NIPAL3: variants seen among roughly 807,000 people sequenced by gnomAD.
NIPAL3 encodes NIPA-like protein 3.
NIPAL3 carries 41 observed loss-of-function variants against 47.2 expected under a neutral mutation model. That is an observed-to-expected ratio of 0.87 (90% CI 0.68 to 1.13). The LOEUF (loss-of-function observed/expected upper bound fraction) is 1.13. NIPAL3 is among the 50% of genes most tolerant of loss of function. NIPAL3 has a pLI of 0.00. For synonymous variants in NIPAL3, 194 were observed against 209.6 expected (o/e 0.93, Z 0.64); for missense variants, 449 against 530.1 (o/e 0.85, Z 1.50).
At chr1:24,420,515 GTA>G (rs199705759) in intron 2 of NIPAL3, among the ~76,000 whole-genome samples, 1 of 150,958 alleles carries the variant, frequency 6.6e-6, no homozygotes, top group Admixed American at 6.6e-5. Flanking sequence ...CAAAAAAAAA[GTA>G]TATATATATA....
chr1:24,446,069 CGTG>C (rs1464635532), intron 5 of NIPAL3, among the ~76,000 whole-genome samples: 26 of 147,840 alleles, frequency 1.8e-4, no homozygotes, highest in East Asian at 1.0e-3. Context: ...AGATTATAGT[CGTG>C]TGTGTGTGTG....
Position 24,469,446 on chromosome 1 carries a change from T to C in NIPAL3, c.*261T>C. On this transcript the variant is annotated 3_prime_UTR_variant, in exon 12 of 12. Coordinates refer to ENST00000374399, the MANE Select transcript of NIPAL3 (RefSeq NM_020448.5). ...CTGCCTGGATTAGCCCAGGGGGATT[T>C]GGAAAGCCTTTCTACCATCCTTGAG... 2.4e-6 allele frequency: 1 copy of C among 411,438 alleles called. No individual in the cohort carries two copies. The allele number at this position is 411,438 out of a possible 1,614,324, so 25.5% of individuals were successfully genotyped here.
At chr1:24,437,940 G>A (rs1311626316) in intron 2 of NIPAL3, among the ~76,000 whole-genome samples, 2 of 152,232 alleles carry the variant, frequency 1.3e-5, no homozygotes, top group Non-Finnish European at 1.5e-5. Flanking sequence ...GTTTACTCCA[G>A]ATGCTGATGG....
rs1015203392 is a variant in NIPAL3 at position 24,458,957 on chromosome 1, A to G, written c.843A>G (p.Thr281=). Residue 281 remains threonine (T), a synonymous_variant, in exon 9 of 12, where the codon ACA becomes ACG. Coordinates refer to ENST00000374399, the MANE Select transcript of NIPAL3 (RefSeq NM_020448.5). The part of the protein sequence containing the change: ...LIASVGYILS[T]TIAITAGAIF... ...CCAGTGTGGGCTACATTCTGTCCACAACCATTGCTATCACAGCAGGTAAGG... is the reference window on the plus strand; with the variant it reads ...CCAGTGTGGGCTACATTCTGTCCACGACCATTGCTATCACAGCAGGTAAGG... 2.5e-6 allele frequency: 4 copies of G among 1,613,854 alleles called. No homozygotes were observed. The highest frequency in any genetic ancestry group is 3.4e-6 in the Non-Finnish European group (4 of 1,179,880).
upstream of NIPAL3, chr1:24,415,768 T>G (rs1025665708): frequency 1.9e-5 from 18 of 923,784 alleles, no homozygotes; most frequent in Non-Finnish European, 2.3e-5. Flanking sequence ...TCGCGACCTT[T>G]GAAAGCAAAA....
At chr1:24,453,626 G>A in intron 7 of NIPAL3, 122 bp downstream of exon 7, 4 of 774,878 alleles carry the variant, frequency 5.2e-6, no homozygotes, top group Non-Finnish European at 6.4e-6. Context: ...GGCTGAGGTT[G>A]TTCTGTCTCC....
chr1:24,447,979 G>A (rs539537560), intron 5 of NIPAL3, among the ~76,000 whole-genome samples: 3 of 152,366 alleles, frequency 2.0e-5, no homozygotes, highest in South Asian at 4.1e-4. Flanking sequence ...TGTGTTGGAC[G>A]CTGCAGGTGT....
chr1:24,437,498 A>G (rs1034300548), intron 2 of NIPAL3, among the ~76,000 whole-genome samples: 4 of 152,220 alleles, frequency 2.6e-5, no homozygotes, highest in African/African-American at 9.6e-5. Flanking sequence ...GCTTTCCACA[A>G]AGTGCTGATT....
chr1:24,453,630 T>C, intron 7 of NIPAL3, 126 bp downstream of exon 7: 2 of 751,082 alleles, frequency 2.7e-6, no homozygotes, highest in South Asian at 1.7e-5. Context: ...GAGGTTGTTC[T>C]GTCTCCATCA....
intron 5 of NIPAL3, among the ~76,000 whole-genome samples, chr1:24,448,280 G>A (rs1005863821): frequency 1.3e-5 from 2 of 152,190 alleles, no homozygotes; most frequent in African/African-American, 4.8e-5. Flanking sequence ...TTTTTTGGCT[G>A]CCTGGGGCTG....
At chr1:24,450,030 C>T (rs1645863667) in intron 6 of NIPAL3, among the ~76,000 whole-genome samples, 1 of 152,158 alleles carries the variant, frequency 6.6e-6, no homozygotes, top group Admixed American at 6.5e-5. Flanking sequence ...CTCAAGTGCC[C>T]CCCAGCAGTA....
chr1:24,461,145 A>T (rs1217244840), intron 10 of NIPAL3, among the ~76,000 whole-genome samples: 1 of 152,244 alleles, frequency 6.6e-6, no homozygotes. Context: ...AGTGTTAAAA[A>T]ATTATGCCAT....
chr1:24,469,346 G>T lies in NIPAL3; in HGVS notation c.*161G>T. The T allele has an allele frequency of 1.6e-6, 1 of 621,988 alleles. No homozygotes were observed. The highest frequency in any genetic ancestry group is 2.8e-5 in the East Asian group (1 of 36,206). 38.5% of individuals were successfully genotyped at this position (621,988 alleles called of 1,614,324 possible). ...TCTCTGGGAAAGGATGCGTTATCTTGGTCTTGGAAATTTCAAATGATGAGG... is the reference window on the plus strand; with the variant it reads ...TCTCTGGGAAAGGATGCGTTATCTTTGTCTTGGAAATTTCAAATGATGAGG... On this transcript the variant is annotated 3_prime_UTR_variant, in exon 12 of 12. Coordinates refer to ENST00000374399, the MANE Select transcript of NIPAL3 (RefSeq NM_020448.5).
In NIPAL3 at chr1:24,469,802, A is replaced by C. The variant is rs1646843656; in HGVS notation, c.*617A>C. On this transcript the variant is annotated 3_prime_UTR_variant, in exon 12 of 12. Transcript: ENST00000374399. Reference sequence around the variant, plus strand: ...TGCTTGATATGTTCAAATTGGATCTACTCTGAAAACGAAACTTGGTTTTGG... The same window carrying C: ...TGCTTGATATGTTCAAATTGGATCTCCTCTGAAAACGAAACTTGGTTTTGG... 1 of 152,164 alleles carries C rather than the reference A, an allele frequency of 6.6e-6. No homozygotes were observed. The highest frequency in any genetic ancestry group is 1.5e-5 in the Non-Finnish European group (1 of 68,126). The allele number at this position is 152,164 out of a possible 1,614,324, so 9.4% of individuals were successfully genotyped here. A position where few individuals can be genotyped will look rare whatever the true frequency, so the allele number is the denominator to read the frequency against.
At chr1:24,455,330 AG>A (rs796113424) in intron 7 of NIPAL3, among the ~76,000 whole-genome samples, 12 of 152,344 alleles carry the variant, frequency 7.9e-5, no homozygotes, top group African/African-American at 2.9e-4. Flanking sequence ...CTGGGTACAC[AG>A]AGAGAATATT....
chr1:24,414,023 A>T (rs1471572169), upstream of NIPAL3: 1 of 152,176 alleles, frequency 6.6e-6, no homozygotes, highest in Non-Finnish European at 1.5e-5. Context: ...TATACCTAAA[A>T]GAATTAACAT....
chr1:24,453,158 C>T (rs1475989072), intron 6 of NIPAL3, among the ~76,000 whole-genome samples: 4 of 152,098 alleles, frequency 2.6e-5, no homozygotes, highest in Admixed American at 6.6e-5. Flanking sequence ...GAGAGCAGCA[C>T]GTCACCCTCA....
At chr1:24,466,129 G>T in intron 11 of NIPAL3, 1 of 1,581,616 alleles carries the variant, frequency 6.3e-7, no homozygotes, top group South Asian at 1.1e-5. Context: ...AAATGAGATC[G>T]AGAAACAGCC....
chr1:24,460,142 G>A (rs1014089623), intron 9 of NIPAL3, among the ~76,000 whole-genome samples: 1 of 152,182 alleles, frequency 6.6e-6, no homozygotes, highest in African/African-American at 2.4e-5. Flanking sequence ...GTTCATTGTC[G>A]TTTTCCTGCT....
Sources: allele counts gnomAD v4.1 joint callset (sites outside exome capture counted in the v4.1 genomes callset), GRCh38; gene constraint gnomAD v4.1.1; transcripts MANE v1.5; gene names NCBI Gene and HGNC (gene_info 2026-07-23, HGNC 2026-07-21).